PACS1: variants seen among roughly 807,000 people sequenced by gnomAD.
The protein encoded by PACS1 is phosphofurin acidic cluster sorting protein 1.
A neutral mutation model predicts 115.0 loss-of-function variants in PACS1; 24 were observed. That is an observed-to-expected ratio of 0.21 (90% CI 0.15 to 0.29). PACS1 has a LOEUF of 0.29. PACS1 is among the 10% of genes least tolerant of loss of function. The pLI, the probability that PACS1 is intolerant of heterozygous loss-of-function variation, is 1.00. For missense variants in PACS1, 838 were observed against 1,251.2 expected, an observed-to-expected ratio of 0.67 and a Z score of 4.98; for synonymous variants, 453 against 504.5, an observed-to-expected ratio of 0.90 and a Z score of 1.37.
Position 66,221,218 on chromosome 11 carries a change from G to A in PACS1, c.1264G>A (p.Gly422Ser). ...GGAGATTGGCAGCCTCAACAGCAAA[G>A]GCAGCCTCGGAAAAGACACCACCAG... ...QTEIGSLNSK[G>S]SLGKDTTSPM... Residue 422 changes from glycine to serine, a missense_variant, in exon 10 of 24, where the codon GGC becomes AGC. Coordinates refer to ENST00000320580, the MANE Select transcript of PACS1 (RefSeq NM_018026.4). 6.2e-7 allele frequency: 1 copy of A among 1,614,224 alleles called. No homozygotes were observed. Among genetic ancestry groups the A allele is most frequent in the Middle Eastern group, 1.6e-4 (1 of 6,062 alleles).
intron 1 of PACS1, among the ~76,000 whole-genome samples, chr11:66,141,758 A>C (rs1858994929): frequency 6.6e-6 from 1 of 151,592 alleles, no homozygotes; most frequent in African/African-American, 2.4e-5. Flanking sequence ...GTGCCACCAC[A>C]CCTAGCTATT....
rs188287138 is a variant in PACS1, at chr11:66,235,305, A to G, written c.2109A>G (p.Gln703=). ...GATCTCTTGGCTTTTCTGCAGAGCA[A>G]CTGGACGTGGCAGGGCGGGTGATGC... ...FSRSEPPVSE[Q]LDVAGRVMQY... The change falls in exon 18 of 24, where the codon CAA becomes CAG. Residue 703 remains glutamine, a synonymous_variant. Coordinates refer to ENST00000320580, the MANE Select transcript of PACS1 (RefSeq NM_018026.4). The surrounding 1 kb of genome is among the most constrained non-coding windows in gnomAD (Gnocchi z 5.6). The G allele has an allele frequency of 6.2e-7, 1 of 1,613,530 alleles. No homozygotes were observed.
chr11:66,180,951 G>C (rs1477432202), intron 1 of PACS1, among the ~76,000 whole-genome samples: 5 of 152,106 alleles, frequency 3.3e-5, no homozygotes, highest in Non-Finnish European at 7.4e-5. Context: ...GAGCCACCAT[G>C]CTCAGCCCTT....
intron 1 of PACS1, among the ~76,000 whole-genome samples, chr11:66,116,480 A>G (rs1292357046): frequency 2.6e-5 from 4 of 152,254 alleles, no homozygotes; most frequent in African/African-American, 7.2e-5. Context: ...CTTATGAGAC[A>G]TAAAGTTCAT....
intron 1 of PACS1, among the ~76,000 whole-genome samples, chr11:66,124,489 T>C (rs951439252): frequency 3.3e-5 from 5 of 152,372 alleles, no homozygotes; most frequent in Middle Eastern, 3.4e-3. Flanking sequence ...CATAATTGGT[T>C]CATTCAGGAT....
Position 66,236,089 on chromosome 11 carries a change from A to G in PACS1, c.2250+149A>G. 1 of 778,900 alleles carries G rather than the reference A, an allele frequency of 1.3e-6. No homozygotes were observed. The highest frequency in any genetic ancestry group is 2.3e-6 in the Non-Finnish European group (1 of 437,554). 48.2% of individuals were successfully genotyped at this position (778,900 alleles called of 1,614,324 possible). On this transcript the variant is annotated intron_variant, in intron 19 of 23. Transcript: ENST00000320580. The surrounding 1 kb of genome is among the most constrained non-coding windows in gnomAD (Gnocchi z 4.2). ...CCAGGGACTACCTGGCAGTGTCTGG[A>G]GACGTGTTTGGTTGTTATACGGGGG...
intron 1 of PACS1, among the ~76,000 whole-genome samples, chr11:66,183,725 C>G (rs1380028391): frequency 1.3e-5 from 2 of 152,222 alleles, no homozygotes; most frequent in Non-Finnish European, 2.9e-5. Context: ...AGCACCGTGA[C>G]TGCTCTGCAG....
chr11:66,110,425 CCTCAGCTTCTCGAGTAG>C (rs1858161999), intron 1 of PACS1, among the ~76,000 whole-genome samples: 2 of 152,162 alleles, frequency 1.3e-5, no homozygotes, highest in Non-Finnish European at 2.9e-5. Context: ...GATCCTCCTG[CCTCAGCTTCTCGAGTAG>C]CTGGGACCAC....
intron 2 of PACS1, among the ~76,000 whole-genome samples, chr11:66,198,437 T>A (rs3953856): frequency 0.19 from 29,377 of 152,172 alleles, 2,914 homozygotes; most frequent in Middle Eastern, 0.28. Flanking sequence ...TAAAAAAGAA[T>A]GAAGTACCTC....
chr11:66,219,370 C>T (rs1283622644), intron 7 of PACS1, among the ~76,000 whole-genome samples: 1 of 151,784 alleles, frequency 6.6e-6, no homozygotes, highest in Non-Finnish European at 1.5e-5. Flanking sequence ...CTGCGTTCCA[C>T]CGTGGAGGTG....
intron 1 of PACS1, among the ~76,000 whole-genome samples, chr11:66,077,845 G>A (rs1349075925): frequency 2.0e-5 from 3 of 151,862 alleles, no homozygotes; most frequent in Non-Finnish European, 2.9e-5. Context: ...TGGGATTCCA[G>A]GCATGCACCA....
intron 1 of PACS1, among the ~76,000 whole-genome samples, chr11:66,181,171 A>AT (rs1309328632): frequency 6.7e-6 from 1 of 148,892 alleles, no homozygotes; most frequent in Non-Finnish European, 1.5e-5. Context: ...TTAAGGAAGT[A>AT]TTTTTTCTGT....
intron 1 of PACS1, among the ~76,000 whole-genome samples, chr11:66,141,173 TG>T (rs1357470526): frequency 6.6e-6 from 1 of 152,274 alleles, no homozygotes; most frequent in East Asian, 1.9e-4. Flanking sequence ...TTGAACTTTT[TG>T]TATGTTTAAT....
intron 1 of PACS1, among the ~76,000 whole-genome samples, chr11:66,112,023 T>C (rs1858200512): frequency 6.6e-6 from 1 of 152,198 alleles, no homozygotes; most frequent in Non-Finnish European, 1.5e-5. Flanking sequence ...CCATCCCCCG[T>C]GGTTCCCTTG....
At chr11:66,157,521 A>T (rs1859387836) in intron 1 of PACS1, among the ~76,000 whole-genome samples, 1 of 152,144 alleles carries the variant, frequency 6.6e-6, no homozygotes, top group Non-Finnish European at 1.5e-5. Flanking sequence ...CTGAATGTGG[A>T]AGAGTTAGCA....
chr11:66,222,966 C>A (rs1019260765), intron 10 of PACS1, among the ~76,000 whole-genome samples: 10 of 151,368 alleles, frequency 6.6e-5, no homozygotes, highest in Admixed American at 1.3e-4. Flanking sequence ...TGGGAGAAAC[C>A]CCAGCCCTGC....
At chr11:66,222,660 G>A (rs1201042324) in intron 10 of PACS1, among the ~76,000 whole-genome samples, 1 of 152,176 alleles carries the variant, frequency 6.6e-6, no homozygotes, top group East Asian at 1.9e-4. Context: ...ACTGGCAGAT[G>A]AAGCCTACTC....
At chr11:66,207,738 C>T (rs1854975875) in intron 2 of PACS1, among the ~76,000 whole-genome samples, 1 of 152,104 alleles carries the variant, frequency 6.6e-6, no homozygotes, top group Non-Finnish European at 1.5e-5. Context: ...GTTGCCCAGG[C>T]TGGAGTGCAG....
chr11:66,099,448 T>C (rs1857862927), intron 1 of PACS1, among the ~76,000 whole-genome samples: 1 of 151,926 alleles, frequency 6.6e-6, no homozygotes, highest in Non-Finnish European at 1.5e-5. Flanking sequence ...ATGTTCTCAA[T>C]CTCCTGACCT....
Sources: allele counts gnomAD v4.1 joint callset (sites outside exome capture counted in the v4.1 genomes callset), GRCh38; gene constraint gnomAD v4.1.1; non-coding constraint Gnocchi (gnomAD v3.1); transcripts MANE v1.5; gene names NCBI Gene and HGNC (gene_info 2026-07-23, HGNC 2026-07-21).